The following LCA5 variants were observed in gnomAD, a reference collection of about 807,000 sequenced individuals.
LCA5 encodes lebercilin LCA5, also known as lebercilin.
A neutral mutation model predicts 53.0 loss-of-function variants in LCA5; 37 were observed. The observed-to-expected ratio is 0.70, with a 90% CI of 0.54 to 0.92. The LOEUF (loss-of-function observed/expected upper bound fraction) is 0.92, where lower values mean the gene tolerates loss of function less well. Among genes scored for constraint, LCA5 ranks in the 40% least tolerant of loss-of-function variants. The probability of loss-of-function intolerance (pLI) is 0.00; values close to 1 mark genes in which losing one functional copy is unlikely to be tolerated. For synonymous variants in LCA5, 303 were observed against 282.9 expected (o/e 1.07, Z -0.71); for missense variants, 806 against 790.5 (o/e 1.02, Z -0.23).
chr6:79,511,544 T>C (rs1395441097), intron 3 of LCA5, among the ~76,000 whole-genome samples: 1 of 152,114 alleles, frequency 6.6e-6, no homozygotes. Flanking sequence ...TATATCTTGA[T>C]TATGTTGGTA....
chr6:79,491,050 A>C (rs555749034), intron 6 of LCA5, among the ~76,000 whole-genome samples: 4 of 66,422 alleles, frequency 6.0e-5, no homozygotes, highest in African/African-American at 4.0e-4. Context: ...ATAGAGGACC[A>C]AAAAAAAAAA....
chr6:79,518,301 T>G (rs1766504092), intron 2 of LCA5, among the ~76,000 whole-genome samples: 1 of 152,170 alleles, frequency 6.6e-6, no homozygotes, highest in Admixed American at 6.5e-5. Flanking sequence ...GTAATTTTAC[T>G]CAATCTATTA....
chr6:79,511,359 C>T (rs1770404854), intron 3 of LCA5, among the ~76,000 whole-genome samples: 1 of 152,078 alleles, frequency 6.6e-6, no homozygotes, highest in South Asian at 2.1e-4. Flanking sequence ...GCAAAATCTG[C>T]TAATGTCAAA....
At chr6:79,520,968 C>G (rs1220097033) in intron 1 of LCA5, among the ~76,000 whole-genome samples, 1 of 152,158 alleles carries the variant, frequency 6.6e-6, no homozygotes, top group Non-Finnish European at 1.5e-5. Flanking sequence ...GGCTGTCCAA[C>G]AGAACTTTCA....
chr6:79,516,511 A>T (rs2127681772), intron 2 of LCA5, among the ~76,000 whole-genome samples: 1 of 152,098 alleles, frequency 6.6e-6, no homozygotes, highest in Non-Finnish European at 1.5e-5. Context: ...AGTCAGATAA[A>T]AAAGGGTTTC....
chr6:79,518,969 A>G lies in LCA5; in HGVS notation c.-75T>C, dbSNP rs1766539426. The G allele has an allele frequency of 2.3e-6, 3 of 1,331,360 alleles. No homozygotes were observed. The Admixed American group carries it at 5.0e-5, about 22-fold the overall frequency. The allele number at this position is 1,331,360 out of a possible 1,614,324, so 82.5% of individuals were successfully genotyped here. A position where few individuals can be genotyped will look rare whatever the true frequency, so the allele number is the denominator to read the frequency against. Reference sequence around the variant, plus strand: ...CAGAGGAGACTATGACAATACTGAAAAACATTTTCACAGTCTTCAGATCCT... The same window carrying G: ...CAGAGGAGACTATGACAATACTGAAGAACATTTTCACAGTCTTCAGATCCT... On this transcript the variant is annotated 5_prime_UTR_variant, in exon 2 of 8. Coordinates refer to ENST00000369846, the MANE Select transcript of LCA5 (RefSeq NM_001122769.3).
chr6:79,524,880 T>C (rs968386758), intron 1 of LCA5, among the ~76,000 whole-genome samples: 1 of 152,122 alleles, frequency 6.6e-6, no homozygotes, highest in Non-Finnish European at 1.5e-5. Context: ...TTTTCTTATA[T>C]TGTTCTTCAG....
chr6:79,515,672 C>A (rs1480602960), intron 2 of LCA5, among the ~76,000 whole-genome samples: 2 of 151,968 alleles, frequency 1.3e-5, no homozygotes, highest in Non-Finnish European at 2.9e-5. Context: ...GAAGATCCAA[C>A]CTTTCCTTCC....
At chr6:79,496,533 A>G (rs978034265) in intron 3 of LCA5, among the ~76,000 whole-genome samples, 1 of 152,212 alleles carries the variant, frequency 6.6e-6, no homozygotes, top group Admixed American at 6.5e-5. Context: ...TACTTGCAAC[A>G]TGTTTGAAAC....
At chr6:79,538,679 G>A (rs536773161), upstream of LCA5, among the ~76,000 whole-genome samples, 1 of 152,296 alleles carries the variant, frequency 6.6e-6, no homozygotes, top group African/African-American at 2.4e-5. Context: ...AAGTTGCTAG[G>A]AAGAATCAGA....
chr6:79,536,834 T>C (rs542011439), intron 1 of LCA5, among the ~76,000 whole-genome samples: 1 of 152,266 alleles, frequency 6.6e-6, no homozygotes, highest in South Asian at 2.1e-4. Flanking sequence ...CTAGATCCGC[T>C]TGCTCCCTTT....
chr6:79,526,213 A>G (rs1055134965), intron 1 of LCA5, among the ~76,000 whole-genome samples: 2 of 152,186 alleles, frequency 1.3e-5, no homozygotes, highest in Non-Finnish European at 2.9e-5. Flanking sequence ...CCCCTTCCCA[A>G]TAGCCACTGC....
At chr6:79,509,453 C>CG (rs1770353771) in intron 3 of LCA5, among the ~76,000 whole-genome samples, 1 of 84,266 alleles carries the variant, frequency 1.2e-5, no homozygotes, top group South Asian at 4.3e-4. Context: ...GACTCCGTCT[C>CG]AAAAAAAAAA....
intron 3 of LCA5, among the ~76,000 whole-genome samples, chr6:79,512,550 T>C (rs1282649007): frequency 2.0e-5 from 3 of 152,188 alleles, no homozygotes; most frequent in Non-Finnish European, 4.4e-5. Context: ...CCATACTTTT[T>C]CGTACCTTTG....
At chr6:79,534,145 A>G (rs1767040889) in intron 1 of LCA5, among the ~76,000 whole-genome samples, 1 of 150,968 alleles carries the variant, frequency 6.6e-6, no homozygotes, top group East Asian at 2.0e-4. Flanking sequence ...CCACGTATTT[A>G]TAAGCATTTT....
chr6:79,495,741 A>AC (rs1769965498), intron 3 of LCA5, among the ~76,000 whole-genome samples: 1 of 130,746 alleles, frequency 7.6e-6, no homozygotes, highest in Non-Finnish European at 1.6e-5. Flanking sequence ...ACAGAGCAAG[A>AC]CTCCATCTCA....
rs1466668163 is a variant in LCA5 at position 79,518,991 on chromosome 6, T to A, written c.-97A>T. Reference sequence around the variant, plus strand: ...GAAAAACATTTTCACAGTCTTCAGATCCTGATAATATTCATTTCTGTGCAA... The same window carrying A: ...GAAAAACATTTTCACAGTCTTCAGAACCTGATAATATTCATTTCTGTGCAA... On this transcript the variant is annotated 5_prime_UTR_variant, in exon 2 of 8. Transcript: ENST00000369846. 3.6e-6 allele frequency: 4 copies of A among 1,112,332 alleles called. No homozygotes were observed. In the Admixed American group the frequency reaches 5.1e-5, roughly 14 times the overall value. The allele number at this position is 1,112,332 out of a possible 1,614,324, so 68.9% of individuals were successfully genotyped here.
rs1451811253 is a variant in LCA5, at chr6:79,487,619, A to G, written c.1479T>C (p.Pro493=). Residue 493 remains proline (P), a synonymous_variant, in exon 8 of 8, where the codon CCT becomes CCC. Transcript: ENST00000369846. ...GGGAGTGTAGTTTTGATTCAAAATCAGGTAACAATGGCAAAACAGGGTATT... is the reference window on the plus strand; with the variant it reads ...GGGAGTGTAGTTTTGATTCAAAATCGGGTAACAATGGCAAAACAGGGTATT... ...NLKYPVLPLL[P]DFESKLHSPE... The G allele has an allele frequency of 6.2e-7, 1 of 1,614,046 alleles. No individual in the cohort carries two copies. Among genetic ancestry groups the G allele is most frequent in the Non-Finnish European group, 8.5e-7 (1 of 1,179,936 alleles).
At chr6:79,495,648 G>A (rs1769962612) in intron 3 of LCA5, among the ~76,000 whole-genome samples, 1 of 151,160 alleles carries the variant, frequency 6.6e-6, no homozygotes, top group South Asian at 2.1e-4. Context: ...CTACTCGGGA[G>A]ACTGAGGCAG....
Sources: gnomAD v4.1 joint callset for allele counts (sites outside exome capture counted in the v4.1 genomes callset) on GRCh38, gnomAD v4.1.1 for gene constraint, MANE v1.5 for transcripts, NCBI Gene and HGNC (gene_info 2026-07-23, HGNC 2026-07-21) for gene names.